The following ONECUT2 variants were observed in gnomAD, a reference collection of about 807,000 sequenced individuals.
The protein encoded by ONECUT2 is one cut homeobox 2, also known as one cut domain family member 2.
ONECUT2 carries 10 observed loss-of-function variants against 27.9 expected under a neutral mutation model. That is an observed-to-expected ratio of 0.36 (90% CI 0.22 to 0.61). ONECUT2 has a LOEUF of 0.61. Among genes scored for constraint, ONECUT2 ranks in the 20% least tolerant of loss-of-function variants. ONECUT2 has a pLI of 0.73. For missense variants in ONECUT2, 686 were observed against 721.0 expected (o/e 0.95, Z 0.56); for synonymous variants, 334 against 315.1 (o/e 1.06, Z -0.64).
At chr18:57,458,813 G>A (rs974121416) in intron 1 of ONECUT2, among the ~76,000 whole-genome samples, 4 of 151,992 alleles carry the variant, frequency 2.6e-5, no homozygotes, top group Admixed American at 6.6e-5. Flanking sequence ...CACTGTCTTC[G>A]AAATTGGCTC....
chr18:57,474,337 T>G (rs2050370013), intron 1 of ONECUT2, among the ~76,000 whole-genome samples: 2 of 152,112 alleles, frequency 1.3e-5, no homozygotes, highest in African/African-American at 4.8e-5. Context: ...TTCCCGTAAG[T>G]GTTTGTCTTC....
intron 1 of ONECUT2, among the ~76,000 whole-genome samples, chr18:57,450,517 G>A (rs2050224337): frequency 6.6e-6 from 1 of 152,156 alleles, no homozygotes; most frequent in Non-Finnish European, 1.5e-5. Flanking sequence ...GGTCATTGTT[G>A]GAAATATTGG....
chr18:57,471,591 C>T (rs1003987625), intron 1 of ONECUT2, among the ~76,000 whole-genome samples: 7 of 152,072 alleles, frequency 4.6e-5, no homozygotes, highest in Admixed American at 3.9e-4. Context: ...CCTGGGAACC[C>T]AGTGTTTTGA....
intron 1 of ONECUT2, among the ~76,000 whole-genome samples, chr18:57,437,193 A>ACCC (rs35937482): frequency 0.026 from 3,740 of 145,598 alleles, 132 homozygotes; most frequent in African/African-American, 0.081. Flanking sequence ...TCATTGACCG[A>ACCC]CCCCCCCCCA....
chr18:57,448,273 A>G (rs1282937014), intron 1 of ONECUT2, among the ~76,000 whole-genome samples: 2 of 152,238 alleles, frequency 1.3e-5, no homozygotes, highest in Non-Finnish European at 2.9e-5. Flanking sequence ...GAGCATTGGA[A>G]TAGACAAGTG....
At chr18:57,444,025 A>G (rs1219367616) in intron 1 of ONECUT2, among the ~76,000 whole-genome samples, 2 of 152,210 alleles carry the variant, frequency 1.3e-5, no homozygotes, top group Non-Finnish European at 2.9e-5. Flanking sequence ...TTTCTCTGTA[A>G]CTGGTATTGA....
intron 1 of ONECUT2, among the ~76,000 whole-genome samples, chr18:57,452,610 A>G (rs1004831230): frequency 7.2e-5 from 11 of 152,144 alleles, no homozygotes; most frequent in Non-Finnish European, 1.2e-4. Context: ...TTTTTAGTAG[A>G]GATGGGGTTT....
intron 1 of ONECUT2, among the ~76,000 whole-genome samples, chr18:57,446,927 G>T (rs2050203065): frequency 6.6e-6 from 1 of 152,236 alleles, no homozygotes; most frequent in Admixed American, 6.5e-5. Context: ...GATTGTGCCA[G>T]TGAGGGCTGT....
chr18:57,452,412 A>G (rs927707090), intron 1 of ONECUT2, among the ~76,000 whole-genome samples: 1 of 151,696 alleles, frequency 6.6e-6, no homozygotes, highest in African/African-American at 2.4e-5. Flanking sequence ...CTCAACCTGT[A>G]TTTTATTTTA....
rs950525728 is a variant in ONECUT2 at position 57,477,580 on chromosome 18, T to A, written c.*857T>A. On this transcript the variant is annotated 3_prime_UTR_variant, in exon 2 of 2. Transcript: ENST00000491143. The stretch of plus-strand genomic sequence containing the variant: ...CACCTATTGTGAAGTCATTAGGGAA[T>A]TGATGAGAATATGGCTTCAAGCACA... 29 of 152,646 alleles carry A rather than the reference T, an allele frequency of 1.9e-4. No individual in the cohort carries two copies. The highest frequency in any genetic ancestry group is 7.0e-4 in the African/African-American group (29 of 41,464). 9.5% of individuals were successfully genotyped at this position (152,646 alleles called of 1,614,324 possible).
At chr18:57,453,371 G>A (rs538308100) in intron 1 of ONECUT2, among the ~76,000 whole-genome samples, 1 of 152,318 alleles carries the variant, frequency 6.6e-6, no homozygotes, top group East Asian at 1.9e-4. Flanking sequence ...AAGCAATTTT[G>A]ATGGACATTT....
intron 1 of ONECUT2, among the ~76,000 whole-genome samples, chr18:57,456,556 C>T (rs1055582353): frequency 6.6e-6 from 1 of 152,028 alleles, no homozygotes; most frequent in African/African-American, 2.4e-5. Flanking sequence ...CTCATAGAAA[C>T]GGAAAGTACA....
intron 1 of ONECUT2, among the ~76,000 whole-genome samples, chr18:57,456,983 A>G (rs767939955): frequency 1.3e-5 from 2 of 152,078 alleles, no homozygotes; most frequent in Non-Finnish European, 2.9e-5. Context: ...GGAGTGGGGT[A>G]TCACCAGGTT....
Position 57,448,933 on chromosome 18 carries a change from A to T in ONECUT2, c.1228+11989A>T, listed in dbSNP as rs112463738. Among the ~76,000 whole-genome samples, 166 of 152,342 alleles carry T rather than the reference A, an allele frequency of 1.1e-3. 3 individuals are homozygous for T. The highest frequency in any genetic ancestry group is 3.8e-3 in the African/African-American group (158 of 41,582). Reference sequence around the variant, plus strand: ...CAAACCTAAAAGATGTAGGGGAAAAATTCGTCTTGGATGCAATTGCCTCCT... The same window carrying T: ...CAAACCTAAAAGATGTAGGGGAAAATTTCGTCTTGGATGCAATTGCCTCCT... On this transcript the variant is annotated intron_variant, in intron 1 of 1. Coordinates refer to ENST00000491143, the MANE Select transcript of ONECUT2 (RefSeq NM_004852.3).
rs1407150319 is a variant in ONECUT2, at chr18:57,435,658, C to T, written c.-59C>T. 2.6e-5 allele frequency: 26 copies of T among 1,008,812 alleles called. No homozygotes were observed. Among genetic ancestry groups the T allele is most frequent in the Non-Finnish European group, 3.0e-5 (25 of 841,564 alleles). 62.5% of individuals were successfully genotyped at this position (1,008,812 alleles called of 1,614,324 possible). A position where few individuals can be genotyped will look rare whatever the true frequency, so the allele number is the denominator to read the frequency against. ...CGCAGCCGAGCCCCGCCACGCGCGCCTTGCCCGCCCGCCGGCCGCCCCCGC... is the reference window on the plus strand; with the variant it reads ...CGCAGCCGAGCCCCGCCACGCGCGCTTTGCCCGCCCGCCGGCCGCCCCCGC... On this transcript the variant is annotated 5_prime_UTR_variant, in exon 1 of 2. Coordinates refer to ENST00000491143, the MANE Select transcript of ONECUT2 (RefSeq NM_004852.3).
chr18:57,447,291 A>C (rs920328656), intron 1 of ONECUT2, among the ~76,000 whole-genome samples: 4 of 152,082 alleles, frequency 2.6e-5, no homozygotes, highest in Non-Finnish European at 5.9e-5. Flanking sequence ...CAGCACCACG[A>C]ACAGCGCCAT....
At chr18:57,465,572 A>G (rs1279202290) in intron 1 of ONECUT2, among the ~76,000 whole-genome samples, 2 of 152,152 alleles carry the variant, frequency 1.3e-5, no homozygotes, top group Non-Finnish European at 2.9e-5. Context: ...TTTTTGCATC[A>G]TATTGTTATA....
At position 57,479,152 on chromosome 18, in the gene ONECUT2, C is replaced by T. The variant is rs1241533571; in HGVS notation, c.*2429C>T. The stretch of plus-strand genomic sequence containing the variant: ...GTCAGGGATAGGGGTCTTGGTGATG[C>T]ATCCTCTCCCGAGCCACAGAACCAA... On this transcript the variant is annotated 3_prime_UTR_variant, in exon 2 of 2. Transcript: ENST00000491143. The T allele has an allele frequency of 6.6e-6, 1 of 152,472 alleles. No individual in the cohort carries two copies. The highest frequency in any genetic ancestry group is 1.5e-5 in the Non-Finnish European group (1 of 68,040). The allele number at this position is 152,472 out of a possible 1,614,324, so 9.4% of individuals were successfully genotyped here. A position where few individuals can be genotyped will look rare whatever the true frequency, so the allele number is the denominator to read the frequency against.
At chr18:57,458,392 A>C (rs1017188896) in intron 1 of ONECUT2, among the ~76,000 whole-genome samples, 2 of 152,206 alleles carry the variant, frequency 1.3e-5, no homozygotes, top group African/African-American at 4.8e-5. Flanking sequence ...TACTCATATA[A>C]ATTGTATAAA....
Sources: gnomAD v4.1 joint callset for allele counts (sites outside exome capture counted in the v4.1 genomes callset) on GRCh38, gnomAD v4.1.1 for gene constraint, MANE v1.5 for transcripts, NCBI Gene and HGNC (gene_info 2026-07-23, HGNC 2026-07-21) for gene names.